CDON: variants seen among roughly 807,000 people sequenced by gnomAD.
CDON encodes cell adhesion molecule-related/down-regulated by oncogenes.
In CDON, 73 loss-of-function variants were observed where a neutral mutation model predicts 120.9. The ratio of observed to expected loss-of-function variants is 0.60; its 90% CI spans 0.50 to 0.73. CDON has a LOEUF of 0.73. Ranked by LOEUF, CDON falls within the 30% of genes least tolerant of loss-of-function variation. The pLI is 0.00. For synonymous variants in CDON, 566 were observed against 573.5 expected, an observed-to-expected ratio of 0.99 and a Z score of 0.19; for missense variants, 1,470 against 1,587.3, an observed-to-expected ratio of 0.93 and a Z score of 1.26.
At chr11:125,999,377 G>C (rs1218681365) in intron 11 of CDON, among the ~76,000 whole-genome samples, 4 of 152,206 alleles carry the variant, frequency 2.6e-5, no homozygotes, top group Admixed American at 2.6e-4. Flanking sequence ...CGGCACTGGA[G>C]TTAGAAGCGG....
intron 1 of CDON, among the ~76,000 whole-genome samples, chr11:126,049,226 C>G (rs772423486): frequency 7.2e-5 from 11 of 151,904 alleles, no homozygotes; most frequent in Non-Finnish European, 1.6e-4. Context: ...TTTCTCTTTT[C>G]AAATTAAAAA....
intron 18 of CDON, among the ~76,000 whole-genome samples, chr11:125,975,676 T>C (rs1946132736): frequency 6.6e-6 from 1 of 152,192 alleles, no homozygotes; most frequent in Non-Finnish European, 1.5e-5. Flanking sequence ...ACCTGCTGAA[T>C]GGGAAACTCT....
At chr11:126,054,943 G>C (rs987076647) in intron 1 of CDON, among the ~76,000 whole-genome samples, 1 of 152,156 alleles carries the variant, frequency 6.6e-6, no homozygotes, top group African/African-American at 2.4e-5. Context: ...GTATATTCAT[G>C]GAAGGCAAAG....
intron 14 of CDON, among the ~76,000 whole-genome samples, chr11:125,991,601 T>A (rs1946632267): frequency 6.6e-6 from 1 of 152,156 alleles, no homozygotes; most frequent in African/African-American, 2.4e-5. Context: ...ATTTGACTTT[T>A]AATTTTATTT....
intron 15 of CDON, among the ~76,000 whole-genome samples, chr11:125,985,811 AAAC>A (rs1223901456): frequency 6.6e-6 from 1 of 151,772 alleles, no homozygotes; most frequent in Non-Finnish European, 1.5e-5. Context: ...AAAAGTCAGC[AAAC>A]AACAGGTGCT....
chr11:126,025,651 T>A (rs940906420), intron 1 of CDON, among the ~76,000 whole-genome samples: 1 of 152,136 alleles, frequency 6.6e-6, no homozygotes, highest in Non-Finnish European at 1.5e-5. Context: ...TCATATATAT[T>A]GCTGGTGGAA....
chr11:125,964,860 T>C (rs1479088261), intron 18 of CDON, among the ~76,000 whole-genome samples: 5 of 152,192 alleles, frequency 3.3e-5, no homozygotes, highest in African/African-American at 4.8e-5. Context: ...GACTCTAATA[T>C]CAAAAGATCA....
intron 18 of CDON, among the ~76,000 whole-genome samples, chr11:125,975,980 G>A (rs531635651): frequency 2.6e-5 from 4 of 152,196 alleles, no homozygotes; most frequent in East Asian, 1.9e-4. Context: ...CTGAAATCAC[G>A]CTTCTTTTTA....
At chr11:126,050,813 TGCAGG>T (rs2134909733) in intron 1 of CDON, among the ~76,000 whole-genome samples, 1 of 152,056 alleles carries the variant, frequency 6.6e-6, no homozygotes, top group East Asian at 1.9e-4. Flanking sequence ...TCTTATAGTC[TGCAGG>T]GCACACACAC....
intron 1 of CDON, among the ~76,000 whole-genome samples, chr11:126,046,776 A>G (rs1046816544): frequency 6.6e-6 from 1 of 152,120 alleles, no homozygotes; most frequent in African/African-American, 2.4e-5. Context: ...GGCTGACAGT[A>G]TGCACACTGG....
intron 14 of CDON, among the ~76,000 whole-genome samples, chr11:125,992,982 A>G (rs1465841152): frequency 6.6e-6 from 1 of 152,312 alleles, no homozygotes. Context: ...TTCAGCTTCA[A>G]TTGAGCACTT....
chr11:126,003,102 A>AC (rs977451145), intron 10 of CDON, among the ~76,000 whole-genome samples: 4 of 151,890 alleles, frequency 2.6e-5, no homozygotes, highest in Non-Finnish European at 5.9e-5. Flanking sequence ...TCCTGTATCC[A>AC]CCCCCTAACT....
Position 125,961,095 on chromosome 11 carries a change from AC to A in CDON, c.3641del (p.Cys1214LeufsTer11). ...TGTTGATCTCTGTTTCTGAATGGGC[AC>A]AGCTGTCTCCTGAAACACAGCAGGG... is the stretch of plus-strand genomic sequence containing the variant. ...DPAEFSRGDS[C>X]AHSETEINIV... On this transcript the variant is annotated frameshift_variant, in exon 20 of 20. Transcript: ENST00000531738. LOFTEE classifies it high-confidence loss of function. 6.2e-7 allele frequency: 1 copy of A among 1,613,878 alleles called. No homozygotes were observed. Among genetic ancestry groups the A allele is most frequent in the South Asian group, 1.1e-5 (1 of 90,898 alleles).
chr11:126,023,330 G>A (rs1947690386), intron 2 of CDON, 71 bp downstream of exon 2: 2 of 958,448 alleles, frequency 2.1e-6, no homozygotes, highest in East Asian at 2.4e-5. Context: ...AAGCATTGAA[G>A]TACAAATTTA....
Position 126,021,443 on chromosome 11 carries a change from C to A in CDON, c.154G>T (p.Ala52Ser). Residue 52 changes from alanine (A) to serine (S), a missense_variant, in exon 3 of 20, where the codon GCT becomes TCT. Ala to Ser is a moderately conservative substitution (Grantham distance 99, BLOSUM62 1). Transcript: ENST00000531738. ...LGGPVVLHCS[A>S]QPVTTRISWL... ...GAGATACGAGTGGTCACAGGTTGAG[C>A]AGAACAATGCAGTACTACAGGTCCA... 6.2e-7 allele frequency: 1 copy of A among 1,614,028 alleles called. No homozygotes were observed. Among genetic ancestry groups the A allele is most frequent in the East Asian group, 2.2e-5 (1 of 44,868 alleles).
intron 1 of CDON, among the ~76,000 whole-genome samples, chr11:126,046,613 C>G (rs1948413979): frequency 1.3e-5 from 2 of 152,108 alleles, no homozygotes; most frequent in Non-Finnish European, 2.9e-5. Context: ...GACGGTGGCC[C>G]CCCTTGTCAT....
intron 17 of CDON, among the ~76,000 whole-genome samples, chr11:125,979,034 T>TA (rs1946220044): frequency 6.6e-6 from 1 of 152,192 alleles, no homozygotes; most frequent in Admixed American, 6.5e-5. Flanking sequence ...TACCTCATTG[T>TA]AAAATGTTCA....
chr11:125,975,923 A>G (rs974614003), intron 18 of CDON, among the ~76,000 whole-genome samples: 11 of 152,230 alleles, frequency 7.2e-5, no homozygotes, highest in Non-Finnish European at 8.8e-5. Flanking sequence ...TTGACTGAAC[A>G]GCCAAAAATC....
At chr11:125,981,831 T>C (rs1216857938) in intron 16 of CDON, among the ~76,000 whole-genome samples, 3 of 152,068 alleles carry the variant, frequency 2.0e-5, no homozygotes, top group African/African-American at 7.2e-5. Context: ...AGGTGGGGTA[T>C]TTCAAGTAGC....
Sources: allele counts gnomAD v4.1 joint callset (sites outside exome capture counted in the v4.1 genomes callset), GRCh38; gene constraint gnomAD v4.1.1; transcripts MANE v1.5; gene names NCBI Gene and HGNC (gene_info 2026-07-23, HGNC 2026-07-21).